SRRM2: variants seen among roughly 807,000 people sequenced by gnomAD.
SRRM2 encodes the protein serine/arginine repetitive matrix protein 2.
SRRM2 carries 30 observed loss-of-function variants against 213.8 expected under a neutral mutation model. The observed-to-expected ratio is 0.14, with a 90% CI of 0.10 to 0.19. The LOEUF (loss-of-function observed/expected upper bound fraction) is 0.19, where lower values mean the gene tolerates loss of function less well. Ranked by LOEUF, SRRM2 falls within the 10% of genes least tolerant of loss-of-function variation. The pLI is 1.00. For missense variants in SRRM2, 4,904 were observed against 3,647.0 expected (o/e 1.34, Z -8.88); for synonymous variants, 2,025 against 1,377.7 (o/e 1.47, Z -10.40).
At chr16:2,759,764 C>G (rs1271021507) in intron 9 of SRRM2, 103 bp downstream of exon 9, 1 of 1,006,708 alleles carries the variant, frequency 9.9e-7, no homozygotes, top group Non-Finnish European at 1.5e-6. Context: ...ACAGACCATT[C>G]GGAAGACACG....
Position 2,762,728 on chromosome 16 carries a change from T to A in SRRM2, c.2200T>A (p.Ser734Thr). 8 of 1,613,838 alleles carry A rather than the reference T, an allele frequency of 5.0e-6. 1 individual carries two copies. In the South Asian group the frequency reaches 8.8e-5, roughly 18 times the overall value. The change falls in exon 11 of 15, where the codon TCC (serine) becomes ACC (threonine). Residue 734 changes from serine to threonine, a missense_variant. Coordinates refer to ENST00000301740, the MANE Select transcript of SRRM2 (RefSeq NM_016333.4). ...CTCATCTTCAGAGCGGAAAAACAAA[T>A]CCAGAACATCTCAAAGAAGAAGCAG... Reference protein sequence around the residue: ...SGSSSERKNKSRTSQRRSRSN... With the variant: ...SGSSSERKNKTRTSQRRSRSN...
In SRRM2 at chr16:2,765,675, C is replaced by T. The variant is rs1336375123; in HGVS notation, c.5147C>T (p.Thr1716Ile). 1 of 1,614,022 alleles carries T rather than the reference C, an allele frequency of 6.2e-7. No individual in the cohort carries two copies. The highest frequency in any genetic ancestry group is 1.7e-5 in the Admixed American group (1 of 60,006). Residue 1716 changes from threonine to isoleucine, a missense_variant, in exon 11 of 15, where the codon ACT becomes ATT. Coordinates refer to ENST00000301740, the MANE Select transcript of SRRM2 (RefSeq NM_016333.4). ...CGCTCTGCCTCATCCTCACCAGAAA[C>T]TCGCTCTAGAACTCCCCCAAGGCAC... ...RSRSASSSPE[T>I]RSRTPPRHRR...
chr16:2,770,568 G>A, intron 13 of SRRM2, 36 bp from the exon 14 acceptor site: 1 of 1,550,904 alleles, frequency 6.4e-7, no homozygotes, highest in Non-Finnish European at 8.7e-7. Flanking sequence ...CTGAGGTGGT[G>A]CCACCCTGTG....
Position 2,764,691 on chromosome 16 carries a change from C to G in SRRM2, c.4163C>G (p.Pro1388Arg), listed in dbSNP as rs1298039587. 1 of 1,614,092 alleles carries G rather than the reference C, an allele frequency of 6.2e-7. No individual in the cohort carries two copies. The change falls in exon 11 of 15, where the codon CCA (proline) becomes CGA (arginine). Residue 1388 changes from proline to arginine, a missense_variant. Coordinates refer to ENST00000301740, the MANE Select transcript of SRRM2 (RefSeq NM_016333.4). ...SSGHSSSELS[P>R]DAVEKAGMSS... ...GGACACAGCAGTTCTGAGTTATCCCCAGATGCAGTGGAAAAGGCAGGGATG... is the reference window on the plus strand; with the variant it reads ...GGACACAGCAGTTCTGAGTTATCCCGAGATGCAGTGGAAAAGGCAGGGATG...
chr16:2,759,786 C>T, intron 9 of SRRM2, 125 bp downstream of exon 9: 1 of 792,472 alleles, frequency 1.3e-6, no homozygotes, highest in South Asian at 1.7e-5. Flanking sequence ...TCCCTGCCCT[C>T]TAGGAGCTGA....
In SRRM2 at chr16:2,762,975, G is replaced by T. The variant is rs528100021; in HGVS notation, c.2447G>T (p.Arg816Leu). The T allele has an allele frequency of 6.2e-7, 1 of 1,613,826 alleles. No homozygotes were observed. Among genetic ancestry groups the T allele is most frequent in the African/African-American group, 1.3e-5 (1 of 74,836 alleles). Residue 816 changes from arginine (R) to leucine (L), a missense_variant, in exon 11 of 15, where the codon CGC becomes CTC. Transcript: ENST00000301740. ...TCTAGAACGCCACCCAGACGCAGTC[G>T]CTCCAGTTCTTCTCCGCCACCTAAA... The part of the protein sequence containing the change: ...AKSRTPPRRS[R>L]SSSSPPPKQK...
At position 2,766,217 on chromosome 16, in the gene SRRM2, C is replaced by T. The variant is rs753151991; in HGVS notation, c.5689C>T (p.Arg1897Trp). Residue 1897 changes from arginine (R) to tryptophan (W), a missense_variant, in exon 11 of 15, where the codon CGG becomes TGG. By Grantham distance (101) the Arg-to-Trp change is moderately radical. Transcript: ENST00000301740. This position sits in a 1 kb window ranked among gnomAD's most constrained non-coding sequence, Gnocchi z 7.0. ...RSRSRTSPVS[R>W]RRSRSRTSVT... is the part of the protein sequence containing the mutation. ...CAGATCTCGAACTTCACCAGTCAGC[C>T]GGAGACGGTCAAGGTCCAGGACTTC... 6.2e-6 allele frequency: 10 copies of T among 1,614,064 alleles called. No homozygotes were observed. Among genetic ancestry groups the T allele is most frequent in the Admixed American group, 3.3e-5 (2 of 60,002 alleles).
intron 1 of SRRM2, among the ~76,000 whole-genome samples, chr16:2,754,545 C>G (rs1298756214): frequency 2.0e-5 from 3 of 152,192 alleles, no homozygotes; most frequent in Non-Finnish European, 4.4e-5. Context: ...CCACCTCGGC[C>G]TCCCAAAGTG....
At chr16:2,760,576 A>C (rs1448544393) in intron 10 of SRRM2, 77 bp downstream of exon 10, 30 of 1,482,564 alleles carry the variant, frequency 2.0e-5, no homozygotes, top group Non-Finnish European at 2.7e-5. Flanking sequence ...TGAAAGGGAG[A>C]GGTAATAACT....
chr16:2,767,639 A>T lies in SRRM2; in HGVS notation c.7111A>T (p.Met2371Leu). ...LAPASLTSAR[M>L]APALSGANLT... is the part of the protein sequence containing the mutation. ...CCCCGCGAGCCTCACCAGTGCTAGG[A>T]TGGCTCCAGCATTGTCTGGTGCAAA... is the stretch of plus-strand genomic sequence containing the variant. Residue 2371 changes from methionine (M) to leucine (L), a missense_variant, in exon 11 of 15, where the codon ATG (methionine) becomes TTG (leucine). Physicochemically the swap from Met to Leu is conservative, Grantham distance 15. Coordinates refer to ENST00000301740, the MANE Select transcript of SRRM2 (RefSeq NM_016333.4). The T allele has an allele frequency of 1.9e-6, 3 of 1,614,098 alleles. No homozygotes were observed. Among genetic ancestry groups the T allele is most frequent in the Non-Finnish European group, 2.5e-6 (3 of 1,180,012 alleles).
chr16:2,764,334 A>C lies in SRRM2; in HGVS notation c.3806A>C (p.Glu1269Ala), dbSNP rs771265980. The change falls in exon 11 of 15, where the codon GAA (glutamate) becomes GCA (alanine). Residue 1269 changes from glutamate (E) to alanine (A), a missense_variant. Coordinates refer to ENST00000301740, the MANE Select transcript of SRRM2 (RefSeq NM_016333.4). ...ELKEMSTSNF[E>A]SSPEVEERPA... ...AAAGAAATGTCCACAAGTAACTTTG[A>C]ATCATCTCCTGAAGTAGAAGAAAGG... 3 of 1,614,218 alleles carry C rather than the reference A, an allele frequency of 1.9e-6. No individual in the cohort carries two copies. The South Asian group carries it at 3.3e-5, about 18-fold the overall frequency.
Position 2,763,518 on chromosome 16 carries a change from C to T in SRRM2, c.2990C>T (p.Pro997Leu), listed in dbSNP as rs1460497046. The T allele has an allele frequency of 6.2e-6, 10 of 1,614,046 alleles. No homozygotes were observed. The highest frequency in any genetic ancestry group is 8.5e-6 in the Non-Finnish European group (10 of 1,180,040). Reference sequence around the variant, plus strand: ...CACTCAGGGTCTATTTCACCATACCCCAAAGTAAAGGCCCAAACTCCACCG... The same window carrying T: ...CACTCAGGGTCTATTTCACCATACCTCAAAGTAAAGGCCCAAACTCCACCG... ...QSHSGSISPY[P>L]KVKAQTPPGP... Residue 997 changes from proline to leucine, a missense_variant, in exon 11 of 15, where the codon CCC (proline) becomes CTC (leucine). By Grantham distance (98) the Pro-to-Leu change is moderately conservative. Transcript: ENST00000301740.
chr16:2,768,276 C>A lies in SRRM2; in HGVS notation c.7733+15C>A. Reference sequence around the variant, plus strand: ...GCACTGAAGAGGTGAGGGAGCTTGACTTTTAGAAATCTTCAGTGGGGGAGG... The same window carrying A: ...GCACTGAAGAGGTGAGGGAGCTTGAATTTTAGAAATCTTCAGTGGGGGAGG... On this transcript the variant is annotated intron_variant, in intron 11 of 14. Coordinates refer to ENST00000301740, the MANE Select transcript of SRRM2 (RefSeq NM_016333.4). 1 of 1,523,358 alleles carries A rather than the reference C, an allele frequency of 6.6e-7. No homozygotes were observed. Among genetic ancestry groups the A allele is most frequent in the Non-Finnish European group, 8.8e-7 (1 of 1,138,526 alleles). The allele number at this position is 1,523,358 out of a possible 1,614,324, so 94.4% of individuals were successfully genotyped here.
At position 2,764,500 on chromosome 16, in the gene SRRM2, G is replaced by C. The variant is rs1357117408; in HGVS notation, c.3972G>C (p.Glu1324Asp). ...AACTGTCTAACTCCCCACTCAGGGA[G>C]AACAGCTTTGGATCACCTTTAGAAT... is the stretch of plus-strand genomic sequence containing the variant. ...HKELSNSPLR[E>D]NSFGSPLEFR... The change falls in exon 11 of 15, where the codon GAG (glutamate) becomes GAC (aspartate). Residue 1324 changes from glutamate (E) to aspartate (D), a missense_variant. Glu to Asp is a conservative substitution (Grantham distance 45, BLOSUM62 2). Coordinates refer to ENST00000301740, the MANE Select transcript of SRRM2 (RefSeq NM_016333.4). 1 of 1,614,184 alleles carries C rather than the reference G, an allele frequency of 6.2e-7. No individual in the cohort carries two copies. The highest frequency in any genetic ancestry group is 1.7e-5 in the Admixed American group (1 of 60,020).
chr16:2,759,243 C>G, intron 7 of SRRM2, 71 bp downstream of exon 7: 1 of 1,602,506 alleles, frequency 6.2e-7, no homozygotes, highest in African/African-American at 1.3e-5. Flanking sequence ...TGGAGTGAAG[C>G]TCAATTCCTT....
intron 1 of SRRM2, among the ~76,000 whole-genome samples, chr16:2,756,054 A>G (rs2068129210): frequency 6.6e-6 from 1 of 152,192 alleles, no homozygotes; most frequent in South Asian, 2.1e-4. Context: ...GAAAAAGAAG[A>G]AAATTTAGGT....
In SRRM2 at chr16:2,763,150, A is replaced by G. The variant is rs1197657603; in HGVS notation, c.2622A>G (p.Glu874=). ...SVTPQRRSCF[E]SSPDPELKSR... is the part of the protein sequence containing the mutation. The stretch of plus-strand genomic sequence containing the variant: ...CGCCACAGAGACGGAGCTGTTTTGA[A>G]TCATCACCTGACCCTGAGTTGAAAT... The change falls in exon 11 of 15, where the codon GAA becomes GAG. Residue 874 remains glutamate, a synonymous_variant. Coordinates refer to ENST00000301740, the MANE Select transcript of SRRM2 (RefSeq NM_016333.4). 1 of 1,614,110 alleles carries G rather than the reference A, an allele frequency of 6.2e-7. No homozygotes were observed. The highest frequency in any genetic ancestry group is 1.1e-5 in the South Asian group (1 of 91,066).
In SRRM2 at chr16:2,768,160, T is replaced by G. The variant is rs2301802; in HGVS notation, c.7632T>G (p.Ser2544=). 1 of 1,613,302 alleles carries G rather than the reference T, an allele frequency of 6.2e-7. No homozygotes were observed. The highest frequency in any genetic ancestry group is 1.7e-5 in the Admixed American group (1 of 59,932). Residue 2544 remains serine (S), a synonymous_variant, in exon 11 of 15, where the codon TCT becomes TCG. Transcript: ENST00000301740. ...CGTCGTCGTCCTCTAGCTCCTCCTCTTCTTCATCATCGTCGTCGTCGTCCT... is the reference window on the plus strand; with the variant it reads ...CGTCGTCGTCCTCTAGCTCCTCCTCGTCTTCATCATCGTCGTCGTCGTCCT... ...SSSSSSSSSS[S]SSSSSSSSSS...
rs1596290240 is a variant in SRRM2, at chr16:2,767,246, A to G, written c.6718A>G (p.Met2240Val). The G allele has an allele frequency of 8.1e-6, 13 of 1,614,104 alleles. No individual in the cohort carries two copies. In the East Asian group the frequency reaches 2.5e-4, roughly 30 times the overall value. ...GATTCCTGCAGCCTCTGCGGCAGCC[A>G]TGAACCTAGCCAGCGCCAGGACACC... is the stretch of plus-strand genomic sequence containing the variant. Reference protein sequence around the residue: ...SRIPAASAAAMNLASARTPAI... With the variant: ...SRIPAASAAAVNLASARTPAI... The change falls in exon 11 of 15, where the codon ATG becomes GTG. Residue 2240 changes from methionine to valine, a missense_variant. Coordinates refer to ENST00000301740, the MANE Select transcript of SRRM2 (RefSeq NM_016333.4).
Sources: gnomAD v4.1 joint callset for allele counts (sites outside exome capture counted in the v4.1 genomes callset) on GRCh38, gnomAD v4.1.1 for gene constraint, Gnocchi (gnomAD v3.1) non-coding constraint, MANE v1.5 for transcripts, NCBI Gene and HGNC (gene_info 2026-07-23, HGNC 2026-07-21) for gene names.